Variants in CCSER1 observed in about 807,000 individuals in gnomAD.
CCSER1 encodes serine-rich coiled-coil domain-containing protein 1.
Under a neutral mutation model 82.0 loss-of-function variants are expected in CCSER1, and 41 were observed. The observed-to-expected ratio is 0.50, with a 90% CI of 0.39 to 0.65. CCSER1 has a LOEUF of 0.65. Among genes scored for constraint, CCSER1 ranks in the 30% least tolerant of loss-of-function variants. The probability of loss-of-function intolerance (pLI) is 0.00; values close to 1 mark genes in which losing one functional copy is unlikely to be tolerated. For missense variants in CCSER1, 1,119 were observed against 1,064.2 expected (o/e 1.05, Z -0.72); for synonymous variants, 414 against 383.9 (o/e 1.08, Z -0.92).
At chr4:91,416,510 A>C (rs2149378226) in intron 10 of CCSER1, among the ~76,000 whole-genome samples, 1 of 152,252 alleles carries the variant, frequency 6.6e-6, no homozygotes, top group Admixed American at 6.5e-5. Context: ...ACAGACACAT[A>C]GGCCAATGTA....
chr4:90,304,838 G>GTTGAAT (rs1342725016), intron 1 of CCSER1, among the ~76,000 whole-genome samples: 2 of 151,820 alleles, frequency 1.3e-5, no homozygotes, highest in Admixed American at 1.3e-4. Flanking sequence ...GTTTAAAAAT[G>GTTGAAT]TTTCTCATTA....
At chr4:91,414,804 CAT>C (rs971042163) in intron 10 of CCSER1, among the ~76,000 whole-genome samples, 4 of 152,032 alleles carry the variant, frequency 2.6e-5, no homozygotes, top group Non-Finnish European at 5.9e-5. Context: ...AAAAATATCA[CAT>C]GAGAAACAAA....
intron 9 of CCSER1, among the ~76,000 whole-genome samples, chr4:91,006,866 C>T (rs112882922): frequency 5.1e-4 from 78 of 152,216 alleles, no homozygotes; most frequent in African/African-American, 1.8e-3. Context: ...TTGTCTTGTT[C>T]CAGATCTTTC....
chr4:91,059,652 C>T (rs1057240644), intron 9 of CCSER1, among the ~76,000 whole-genome samples: 1 of 151,668 alleles, frequency 6.6e-6, no homozygotes, highest in Non-Finnish European at 1.5e-5. Flanking sequence ...AACACCCTAG[C>T]GATCTGTAAT....
chr4:91,599,682 T>C lies in CCSER1; in HGVS notation c.*625T>C, dbSNP rs1385965939. 2 of 152,152 alleles carry C rather than the reference T, an allele frequency of 1.3e-5. No homozygotes were observed. Among genetic ancestry groups the C allele is most frequent in the Non-Finnish European group, 2.9e-5 (2 of 68,006 alleles). 9.4% of individuals were successfully genotyped at this position (152,152 alleles called of 1,614,324 possible). On this transcript the variant is annotated 3_prime_UTR_variant, in exon 11 of 11. Transcript: ENST00000509176. ...TTTTTTCCTTTAAACGTTTAGTTCA[T>C]ACTAGTTCACAAAGGATTTCAGACA... is the stretch of plus-strand genomic sequence containing the variant.
At chr4:91,215,926 A>G (rs937333274) in intron 10 of CCSER1, among the ~76,000 whole-genome samples, 3 of 152,190 alleles carry the variant, frequency 2.0e-5, no homozygotes, top group African/African-American at 7.2e-5. Context: ...GAGGACTTGA[A>G]AACTGCTTAA....
chr4:91,384,155 T>C (rs1751118969), intron 10 of CCSER1, among the ~76,000 whole-genome samples: 1 of 152,064 alleles, frequency 6.6e-6, no homozygotes, highest in Non-Finnish European at 1.5e-5. Flanking sequence ...TTTTGTGGAG[T>C]AGGATTCCAA....
chr4:90,486,601 T>C (rs1290224825), intron 5 of CCSER1, among the ~76,000 whole-genome samples: 2 of 152,248 alleles, frequency 1.3e-5, no homozygotes, highest in African/African-American at 4.8e-5. Flanking sequence ...ACCTCATTTC[T>C]ACTTTCTAGG....
At chr4:90,525,779 C>T (rs1773685713) in intron 5 of CCSER1, among the ~76,000 whole-genome samples, 1 of 152,026 alleles carries the variant, frequency 6.6e-6, no homozygotes, top group Admixed American at 6.6e-5. Context: ...GTTGGGATCA[C>T]AGGCACACTC....
intron 8 of CCSER1, among the ~76,000 whole-genome samples, chr4:90,845,637 G>A (rs1693444215): frequency 6.6e-6 from 1 of 152,040 alleles, no homozygotes; most frequent in African/African-American, 2.4e-5. Context: ...GGAGTGAAAG[G>A]CTGTCCTAGG....
chr4:90,765,969 G>A (rs574951607), intron 7 of CCSER1, among the ~76,000 whole-genome samples: 1 of 152,232 alleles, frequency 6.6e-6, no homozygotes, highest in East Asian at 1.9e-4. Context: ...ACTGTCAGCT[G>A]TATGGGTTCC....
chr4:91,286,851 G>T (rs958422405), intron 10 of CCSER1, among the ~76,000 whole-genome samples: 3 of 151,804 alleles, frequency 2.0e-5, no homozygotes, highest in African/African-American at 7.2e-5. Flanking sequence ...AAAATTAAAT[G>T]TAGGTCACAT....
chr4:90,449,576 C>T (rs1427323253), intron 4 of CCSER1, among the ~76,000 whole-genome samples: 2 of 152,212 alleles, frequency 1.3e-5, no homozygotes. Context: ...CACAACCCTT[C>T]CCTTGGCCTC....
intron 7 of CCSER1, chr4:90,781,878 A>G (rs778945329): frequency 1.2e-5 from 11 of 927,872 alleles, no homozygotes; most frequent in Non-Finnish European, 1.3e-5. Context: ...AAAGACAGTA[A>G]TAATGATTGT....
intron 10 of CCSER1, among the ~76,000 whole-genome samples, chr4:91,265,455 A>G (rs1741502346): frequency 6.6e-6 from 1 of 151,308 alleles, no homozygotes; most frequent in Non-Finnish European, 1.5e-5. Flanking sequence ...TTAGGCCTAT[A>G]TTAAAAAAAT....
At chr4:91,392,894 C>T (rs1048349221) in intron 10 of CCSER1, among the ~76,000 whole-genome samples, 3 of 151,920 alleles carry the variant, frequency 2.0e-5, no homozygotes, top group Admixed American at 6.6e-5. Context: ...ACTTGAAGGG[C>T]TTGTGTAAAG....
At chr4:90,958,722 G>T (rs1733766955) in intron 9 of CCSER1, among the ~76,000 whole-genome samples, 1 of 152,120 alleles carries the variant, frequency 6.6e-6, no homozygotes, top group Non-Finnish European at 1.5e-5. Context: ...ACTGCCACAT[G>T]AGAACCCAGT....
At chr4:91,335,051 C>A (rs1747227550) in intron 10 of CCSER1, among the ~76,000 whole-genome samples, 1 of 151,844 alleles carries the variant, frequency 6.6e-6, no homozygotes, top group Non-Finnish European at 1.5e-5. Flanking sequence ...AAATTAATAT[C>A]TATTCTTTGT....
At chr4:90,381,568 G>T (rs527959308) in intron 3 of CCSER1, among the ~76,000 whole-genome samples, 2 of 152,068 alleles carry the variant, frequency 1.3e-5, no homozygotes, top group African/African-American at 4.8e-5. Flanking sequence ...GAATACCATG[G>T]TGTACACAGT....
Sources: allele counts gnomAD v4.1 joint callset (sites outside exome capture counted in the v4.1 genomes callset), GRCh38; gene constraint gnomAD v4.1.1; transcripts MANE v1.5; gene names NCBI Gene and HGNC (gene_info 2026-07-23, HGNC 2026-07-21).